The following UCKL1 variants were observed in gnomAD, a reference collection of about 807,000 sequenced individuals.
UCKL1 encodes the protein uridine-cytidine kinase-like 1.
Under a neutral mutation model 59.2 loss-of-function variants are expected in UCKL1, and 65 were observed. That is an observed-to-expected ratio of 1.10 (90% CI 0.90 to 1.35). The LOEUF (loss-of-function observed/expected upper bound fraction) is 1.35, where lower values mean the gene tolerates loss of function less well. Among genes scored for constraint, UCKL1 ranks in the 40% most tolerant of loss-of-function variants. The pLI is 0.00. For missense variants in UCKL1, 703 were observed against 784.3 expected, an observed-to-expected ratio of 0.90 and a Z score of 1.24; for synonymous variants, 410 against 323.1, an observed-to-expected ratio of 1.27 and a Z score of -2.88.
intron 8 of UCKL1, among the ~76,000 whole-genome samples, chr20:63,943,028 AG>A (rs1380816235): frequency 2.0e-5 from 3 of 152,182 alleles, no homozygotes; most frequent in South Asian, 4.1e-4. Context: ...CACAGAAGGC[AG>A]GGAGAAGGGC....
At position 63,945,806 on chromosome 20, in the gene UCKL1, C is replaced by G. The variant is rs1348496371; in HGVS notation, c.581G>C (p.Trp194Ser). The G allele has an allele frequency of 2.5e-6, 4 of 1,613,614 alleles. No homozygotes were observed. The highest frequency in any genetic ancestry group is 3.4e-6 in the Non-Finnish European group (4 of 1,179,994). The stretch of plus-strand genomic sequence containing the variant: ...CCCCTCTGCAGGGCCCTGGCCTACC[C>G]AGTCCTTCTTCCGGCTGTGCGTGGT... ...DFTTHSRKKD[W>S]KTLYGANVII... Residue 194 changes from tryptophan to serine, a missense_variant and splice_region_variant, in exon 4 of 15, where the codon TGG becomes TCG. Around this residue, in one of 4 missense-constraint regions of UCKL1, gnomAD observed 398 missense variants for 373.0 expected, o/e 1.07. Coordinates refer to ENST00000354216, the MANE Select transcript of UCKL1 (RefSeq NM_017859.4).
At chr20:63,945,160 A>AC (rs1052939223) in intron 5 of UCKL1, among the ~76,000 whole-genome samples, 4 of 152,174 alleles carry the variant, frequency 2.6e-5, no homozygotes, top group African/African-American at 9.7e-5. Context: ...CATGCTCAGC[A>AC]CACAGTAGTT....
At chr20:63,943,579 A>G (rs2055280450) in intron 8 of UCKL1, 74 bp downstream of exon 8, 1 of 1,606,368 alleles carries the variant, frequency 6.2e-7, no homozygotes, top group Admixed American at 1.7e-5. Context: ...TGGCTGGATC[A>G]CAGCCCAGAC....
Position 63,945,885 on chromosome 20 carries a change from T to C in UCKL1, c.502A>G (p.Thr168Ala). ...DAFDFDLIIS[T>A]LKKLKQGKSV... The stretch of plus-strand genomic sequence containing the variant: ...TTCCCCTGCTTCAGCTTCTTGAGGG[T>C]GGAAATGATGAGGTCGAAGTCAAAG... Residue 168 changes from threonine to alanine, a missense_variant, in exon 4 of 15, where the codon ACC (threonine) becomes GCC (alanine). Thr to Ala is a moderately conservative substitution (Grantham distance 58). Transcript: ENST00000354216. 1 of 1,613,550 alleles carries C rather than the reference T, an allele frequency of 6.2e-7. No homozygotes were observed. Among genetic ancestry groups the C allele is most frequent in the Non-Finnish European group, 8.5e-7 (1 of 1,179,906 alleles).
intron 1 of UCKL1, among the ~76,000 whole-genome samples, chr20:63,951,347 C>A (rs1442504508): frequency 6.6e-6 from 1 of 152,138 alleles, no homozygotes; most frequent in Admixed American, 6.5e-5. Context: ...GACCACTGTG[C>A]GCCGTGTGCC....
chr20:63,945,626 G>A (rs2055967070), intron 5 of UCKL1, 25 bp downstream of exon 5: 1 of 1,611,502 alleles, frequency 6.2e-7, no homozygotes, highest in Middle Eastern at 1.7e-4. Context: ...TACCAGCGGG[G>A]TGGGTATTCC....
chr20:63,949,267 C>CGAG (rs2057196017), intron 1 of UCKL1, among the ~76,000 whole-genome samples: 2 of 152,138 alleles, frequency 1.3e-5, no homozygotes, highest in South Asian at 4.1e-4. Context: ...CAAGGCCAGG[C>CGAG]GCCAAGACGA....
At position 63,946,243 on chromosome 20, in the gene UCKL1, C is replaced by A; in HGVS notation, c.329G>T (p.Gly110Val). Residue 110 changes from glycine to valine, a missense_variant, in exon 3 of 15, where the codon GGG (glycine) becomes GTG (valine). Gly to Val is a moderately radical substitution (Grantham distance 109). This residue lies in a region of UCKL1 where 398 missense variants were observed against 373.0 expected (regional missense o/e 1.07). Coordinates refer to ENST00000354216, the MANE Select transcript of UCKL1 (RefSeq NM_017859.4). ...GATCATTCTGGCCACAGTGGTCTTC[C>A]CAGAGGCACTGCCGCCTCCCAAGCC... ...AIGLGGGSAS[G>V]KTTVARMIIE... 1 of 1,602,840 alleles carries A rather than the reference C, an allele frequency of 6.2e-7. No homozygotes were observed. Among genetic ancestry groups the A allele is most frequent in the Admixed American group, 1.7e-5 (1 of 58,636 alleles).
Position 63,940,374 on chromosome 20 carries a change from T to G in UCKL1, c.1410+4A>C, listed in dbSNP as rs2054046335. The G allele has an allele frequency of 6.2e-7, 1 of 1,611,570 alleles. No homozygotes were observed. The highest frequency in any genetic ancestry group is 1.3e-5 in the African/African-American group (1 of 75,002). ...CCTGCCCCGCCTACCCAGGGCTCACTCACCAGGAGCACGCGCACTGCCATC... is the reference window on the plus strand; with the variant it reads ...CCTGCCCCGCCTACCCAGGGCTCACGCACCAGGAGCACGCGCACTGCCATC... On this transcript the variant is annotated splice_donor_region_variant and intron_variant, in intron 13 of 14. Coordinates refer to ENST00000354216, the MANE Select transcript of UCKL1 (RefSeq NM_017859.4).
chr20:63,954,723 T>C (rs1332247933), intron 1 of UCKL1: 1 of 152,212 alleles, frequency 6.6e-6, no homozygotes, highest in Non-Finnish European at 1.5e-5. Context: ...GGTGCTGCAA[T>C]CTATCCTCAC....
rs2056331509 is a variant in UCKL1 at position 63,946,720 on chromosome 20, G to A, written c.114-77C>T. ...TACCCGCTGGCATGGCCGGCCCACA[G>A]GGCACCCCCCCCACCCCCTCAACAG... On this transcript the variant is annotated intron_variant, in intron 1 of 14. Coordinates refer to ENST00000354216, the MANE Select transcript of UCKL1 (RefSeq NM_017859.4). 1.6e-5 allele frequency: 22 copies of A among 1,370,836 alleles called. No individual in the cohort carries two copies. In the South Asian group the frequency reaches 2.8e-4, roughly 18 times the overall value. 84.9% of individuals were successfully genotyped at this position (1,370,836 alleles called of 1,614,324 possible).
intron 1 of UCKL1, among the ~76,000 whole-genome samples, chr20:63,947,949 G>C (rs914801149): frequency 6.6e-6 from 1 of 152,228 alleles, no homozygotes; most frequent in Non-Finnish European, 1.5e-5. Context: ...AGCCCTGGGA[G>C]GGGCAGCCTC....
intron 8 of UCKL1, chr20:63,942,724 C>A (rs2054953361): frequency 6.1e-6 from 3 of 489,646 alleles, no homozygotes; most frequent in Non-Finnish European, 1.3e-5. Context: ...GCCAACACTT[C>A]CTTGGCTGAC....
chr20:63,945,855 C>T lies in UCKL1; in HGVS notation c.532G>A (p.Val178Ile). The part of the protein sequence containing the change: ...TLKKLKQGKS[V>I]KVPIYDFTTH... The stretch of plus-strand genomic sequence containing the variant: ...GTGAAGTCATAAATGGGCACCTTGA[C>T]ACTCTTCCCCTGCTTCAGCTTCTTG... The change falls in exon 4 of 15, where the codon GTC becomes ATC. Residue 178 changes from valine to isoleucine, a missense_variant. Val to Ile is a conservative substitution (Grantham distance 29). Transcript: ENST00000354216. 1 of 1,613,788 alleles carries T rather than the reference C, an allele frequency of 6.2e-7. No homozygotes were observed. The highest frequency in any genetic ancestry group is 8.5e-7 in the Non-Finnish European group (1 of 1,179,982).
chr20:63,955,934 AC>A, intron 1 of UCKL1: 1 of 220,906 alleles, frequency 4.5e-6, no homozygotes, highest in Non-Finnish European at 9.1e-6. Context: ...ACCAACTCGC[AC>A]AGTCGAGCAG....
chr20:63,955,512 A>C (rs2058451206), intron 1 of UCKL1: 2 of 152,252 alleles, frequency 1.3e-5, no homozygotes, highest in African/African-American at 2.4e-5. Flanking sequence ...CAGGAGTCAC[A>C]GCCTGAACCC....
Position 63,939,983 on chromosome 20 carries a change from G to T in UCKL1, c.1640C>A (p.Thr547Lys). The change falls in exon 15 of 15, where the codon ACG (threonine) becomes AAG (lysine). Residue 547 changes from threonine to lysine, a missense_variant. This residue lies in a region of UCKL1 where 124 missense variants were observed against 161.1 expected (regional missense o/e 0.77). Transcript: ENST00000354216. ...GGATGGCTCACTGGGCAGCTAACCC[G>T]TGTAGGCCACTTCCTCCTCGTCACT... ...DGSDEEEVAYTG is the reference protein window; with the variant it reads ...DGSDEEEVAYKG 1 of 1,611,414 alleles carries T rather than the reference G, an allele frequency of 6.2e-7. No individual in the cohort carries two copies. Among genetic ancestry groups the T allele is most frequent in the Non-Finnish European group, 8.5e-7 (1 of 1,179,386 alleles).
chr20:63,948,054 A>G (rs983431545), intron 1 of UCKL1, among the ~76,000 whole-genome samples: 2 of 152,202 alleles, frequency 1.3e-5, no homozygotes, highest in African/African-American at 4.8e-5. Context: ...TCAGATGCAG[A>G]GCCTGGTGTG....
chr20:63,949,354 G>C (rs973073035), intron 1 of UCKL1, among the ~76,000 whole-genome samples: 1 of 152,172 alleles, frequency 6.6e-6, no homozygotes, highest in Non-Finnish European at 1.5e-5. Context: ...GCACTTCCCC[G>C]AGACCGCATG....
Sources: allele counts gnomAD v4.1 joint callset (sites outside exome capture counted in the v4.1 genomes callset), GRCh38; gene constraint gnomAD v4.1.1; regional missense constraint gnomAD v4.1.1; transcripts MANE v1.5; gene names NCBI Gene and HGNC (gene_info 2026-07-23, HGNC 2026-07-21).